RALY: variants seen among roughly 807,000 people sequenced by gnomAD.
RALY encodes the protein RALY heterogeneous nuclear ribonucleoprotein.
RALY carries 15 observed loss-of-function variants against 30.7 expected under a neutral mutation model. The observed-to-expected ratio is 0.49, with a 90% CI of 0.33 to 0.75. The LOEUF (loss-of-function observed/expected upper bound fraction) is 0.75, where lower values mean the gene tolerates loss of function less well. Among genes scored for constraint, RALY ranks in the 30% least tolerant of loss-of-function variants. RALY has a pLI of 0.02. For missense variants in RALY, 339 were observed against 414.3 expected, an observed-to-expected ratio of 0.82 and a Z score of 1.58; for synonymous variants, 177 against 170.8, an observed-to-expected ratio of 1.04 and a Z score of -0.28.
At chr20:34,017,614 G>A (rs1283714276) in intron 1 of RALY, 1 of 152,250 alleles carries the variant, frequency 6.6e-6, no homozygotes, top group African/African-American at 2.4e-5. Context: ...TCTAATGGGA[G>A]AGATCAATCA....
chr20:34,029,102 G>A (rs2032164605), intron 1 of RALY, among the ~76,000 whole-genome samples: 2 of 152,142 alleles, frequency 1.3e-5, no homozygotes, highest in Non-Finnish European at 2.9e-5. Context: ...TGTAATGTCA[G>A]TAAGTTTCAA....
intron 1 of RALY, among the ~76,000 whole-genome samples, 162 bp from the exon 2 acceptor site, chr20:34,031,360 G>A (rs985819441): frequency 6.3e-4 from 95 of 151,882 alleles, no homozygotes; most frequent in African/African-American, 2.2e-3. Flanking sequence ...CGCGCCAGGC[G>A]TGCCTTATTT....
intron 2 of RALY, among the ~76,000 whole-genome samples, chr20:34,041,052 A>T (rs2032681307): frequency 6.6e-6 from 1 of 152,226 alleles, no homozygotes; most frequent in African/African-American, 2.4e-5. Context: ...TAGAACTCAG[A>T]TATAGAGCCC....
chr20:34,015,466 G>C (rs2031569749), intron 1 of RALY, among the ~76,000 whole-genome samples: 1 of 151,692 alleles, frequency 6.6e-6, no homozygotes, highest in Non-Finnish European at 1.5e-5. Flanking sequence ...CAAGTCTTTG[G>C]GTGGAGATGT....
chr20:34,010,129 TC>T (rs1403542895), intron 1 of RALY, among the ~76,000 whole-genome samples: 1 of 152,198 alleles, frequency 6.6e-6, no homozygotes, highest in African/African-American at 2.4e-5. Flanking sequence ...TTTTTTGCAA[TC>T]CCTATTATAT....
intron 2 of RALY, among the ~76,000 whole-genome samples, chr20:34,043,519 G>T (rs2032772272): frequency 6.6e-6 from 1 of 152,116 alleles, no homozygotes; most frequent in Non-Finnish European, 1.5e-5. Flanking sequence ...TTAAGACACA[G>T]ATCTTATTCC....
chr20:34,008,767 T>TTAA (rs2031273583), intron 1 of RALY, among the ~76,000 whole-genome samples: 1 of 152,206 alleles, frequency 6.6e-6, no homozygotes, highest in Non-Finnish European at 1.5e-5. Context: ...TAAGCTATCC[T>TTAA]CACGCCTCAG....
chr20:34,077,531 A>C, intron 8 of RALY: 2 of 557,440 alleles, frequency 3.6e-6, no homozygotes, highest in Non-Finnish European at 6.2e-6. Context: ...AGATTCGGAC[A>C]TAAGGGAGCA....
intron 1 of RALY, among the ~76,000 whole-genome samples, chr20:34,026,883 C>G (rs2032063963): frequency 6.6e-6 from 1 of 152,116 alleles, no homozygotes; most frequent in Non-Finnish European, 1.5e-5. Flanking sequence ...GAATATGGAG[C>G]TTGAGATTTT....
intron 2 of RALY, among the ~76,000 whole-genome samples, chr20:34,065,325 A>T (rs1428214448): frequency 6.6e-6 from 1 of 152,220 alleles, no homozygotes; most frequent in Non-Finnish European, 1.5e-5. Context: ...CTGTTTTCGG[A>T]TTAAAGACAA....
chr20:34,079,197 C>G (rs1407405630), intron 9 of RALY, among the ~76,000 whole-genome samples: 1 of 152,170 alleles, frequency 6.6e-6, no homozygotes, highest in Non-Finnish European at 1.5e-5. Context: ...CACCTGCTTT[C>G]TCTGAGTTCA....
rs750713784 is a variant in RALY at position 34,078,488 on chromosome 20, TA to T, written c.877-16del. 4 of 1,575,062 alleles carry T rather than the reference TA, an allele frequency of 2.5e-6. No homozygotes were observed. In the Admixed American group the frequency reaches 7.3e-5, roughly 29 times the overall value. ...GCAATGAGTGATGTGTGGTCTCTCTTACCTCCTCCCTATCAGGAACACAGCC... is the reference window on the plus strand; with the variant it reads ...GCAATGAGTGATGTGTGGTCTCTCTTCCTCCTCCCTATCAGGAACACAGCC... On this transcript the variant is annotated splice_polypyrimidine_tract_variant and intron_variant, in intron 8 of 9. Coordinates refer to ENST00000246194, the MANE Select transcript of RALY (RefSeq NM_016732.3).
At chr20:34,068,941 T>C (rs1382015445) in intron 2 of RALY, among the ~76,000 whole-genome samples, 2 of 152,124 alleles carry the variant, frequency 1.3e-5, no homozygotes, top group Non-Finnish European at 2.9e-5. Flanking sequence ...GGCATGAAAG[T>C]GGATAGGGGG....
At chr20:34,078,578 CAGAGGGTGGGG>C in intron 9 of RALY, 25 bp downstream of exon 9, 2 of 1,531,838 alleles carry the variant, frequency 1.3e-6, no homozygotes, top group Non-Finnish European at 1.8e-6. Flanking sequence ...TCCTGATGGG[CAGAGGGTGGGG>C]AATCAGTGAA....
At chr20:34,014,155 G>A (rs1406702683) in intron 1 of RALY, among the ~76,000 whole-genome samples, 1 of 152,154 alleles carries the variant, frequency 6.6e-6, no homozygotes, top group East Asian at 1.9e-4. Context: ...GCCCGTACTA[G>A]ATCTTGGGAA....
At chr20:34,034,003 A>C (rs1309853786) in intron 2 of RALY, among the ~76,000 whole-genome samples, 2 of 152,194 alleles carry the variant, frequency 1.3e-5, no homozygotes, top group Non-Finnish European at 2.9e-5. Flanking sequence ...TGCAGAGTGC[A>C]GGTTTGAGTG....
At chr20:34,021,546 G>A (rs1222408114) in intron 1 of RALY, among the ~76,000 whole-genome samples, 3 of 152,140 alleles carry the variant, frequency 2.0e-5, no homozygotes, top group African/African-American at 7.2e-5. Context: ...ATTCATGAAG[G>A]CAGAGCCCTC....
chr20:34,035,337 T>C, intron 2 of RALY, among the ~76,000 whole-genome samples: 1 of 152,196 alleles, frequency 6.6e-6, no homozygotes, highest in Middle Eastern at 3.4e-3. Context: ...ATTTATAGTA[T>C]CTACTATATA....
chr20:34,037,533 A>T (rs2032542434), intron 2 of RALY, among the ~76,000 whole-genome samples: 1 of 152,214 alleles, frequency 6.6e-6, no homozygotes, highest in Admixed American at 6.5e-5. Flanking sequence ...TACAGTGCAG[A>T]TGCCATAGGT....
Sources: allele counts gnomAD v4.1 joint callset (sites outside exome capture counted in the v4.1 genomes callset), GRCh38; gene constraint gnomAD v4.1.1; transcripts MANE v1.5; gene names NCBI Gene and HGNC (gene_info 2026-07-23, HGNC 2026-07-21).